UNC13C: variants seen among roughly 807,000 people sequenced by gnomAD.
The protein encoded by UNC13C is protein unc-13 homolog C.
UNC13C carries 174 observed loss-of-function variants against 245.4 expected under a neutral mutation model. The observed-to-expected ratio is 0.71, with a 90% CI of 0.63 to 0.80. The LOEUF is 0.80. Ranked by LOEUF, UNC13C falls within the 30% of genes least tolerant of loss-of-function variation. The pLI, the probability that UNC13C is intolerant of heterozygous loss-of-function variation, is 0.00. For missense variants in UNC13C, 2,829 were observed against 2,602.9 expected, an observed-to-expected ratio of 1.09 and a Z score of -1.89; for synonymous variants, 992 against 895.1, an observed-to-expected ratio of 1.11 and a Z score of -1.93.
the UNC13C span, among the ~76,000 whole-genome samples, chr15:53,898,118 C>T: frequency 6.6e-6 from 1 of 152,158 alleles, no homozygotes; most frequent in Non-Finnish European, 1.5e-5. Flanking sequence ...AGATCTTCTA[C>T]ATTACTTCCT....
chr15:54,541,260 T>C (rs1418581744), intron 26 of UNC13C, among the ~76,000 whole-genome samples: 2 of 152,128 alleles, frequency 1.3e-5, no homozygotes, highest in African/African-American at 2.4e-5. Flanking sequence ...CCTTTCAATG[T>C]TATCCACTGT....
At chr15:54,477,298 AT>A (rs1309013428) in intron 19 of UNC13C, among the ~76,000 whole-genome samples, 1 of 99,494 alleles carries the variant, frequency 1.0e-5, no homozygotes, top group Non-Finnish European at 2.1e-5. Flanking sequence ...AATACCCTTT[AT>A]TTCCTTCTCC....
chr15:54,164,426 C>T (rs996476022), intron 4 of UNC13C, among the ~76,000 whole-genome samples: 1 of 152,102 alleles, frequency 6.6e-6, no homozygotes, highest in Non-Finnish European at 1.5e-5. Context: ...AAGTTAAAAA[C>T]ACTGTCTTCA....
chr15:54,273,434 T>C (rs1452472134), intron 10 of UNC13C, among the ~76,000 whole-genome samples: 1 of 152,188 alleles, frequency 6.6e-6, no homozygotes, highest in Non-Finnish European at 1.5e-5. Flanking sequence ...GATTTTCTTG[T>C]TTTTCACTTC....
chr15:54,130,803 G>A (rs2031371607), intron 2 of UNC13C, among the ~76,000 whole-genome samples: 1 of 152,046 alleles, frequency 6.6e-6, no homozygotes, highest in African/African-American at 2.4e-5. Context: ...TATATTTTAT[G>A]AGTGTTTTTA....
chr15:54,490,587 C>T (rs1330384721), intron 19 of UNC13C, among the ~76,000 whole-genome samples: 1 of 151,850 alleles, frequency 6.6e-6, no homozygotes, highest in Non-Finnish European at 1.5e-5. Context: ...CAGAATGCGG[C>T]CTACTGCTGG....
At chr15:54,464,747 G>T (rs933301366) in intron 19 of UNC13C, among the ~76,000 whole-genome samples, 5 of 152,080 alleles carry the variant, frequency 3.3e-5, no homozygotes, top group African/African-American at 1.2e-4. Flanking sequence ...AGTAGAAAAT[G>T]AGTGTAAATT....
At position 54,592,870 on chromosome 15, in the gene UNC13C, T is replaced by G. The variant is rs566031691; in HGVS notation, c.6106+24923T>G. ...CTGTGTACTTTGTTTTTTGTTTTTTTTTTTTTTTTACTTGTATTTTTGTTG... is the reference window on the plus strand; with the variant it reads ...CTGTGTACTTTGTTTTTTGTTTTTTGTTTTTTTTTACTTGTATTTTTGTTG... On this transcript the variant is annotated intron_variant, in intron 30 of 32. Coordinates refer to ENST00000260323, the MANE Select transcript of UNC13C (RefSeq NM_001080534.3). 6.6e-4 allele frequency among the ~76,000 whole-genome samples: 101 copies of G among 151,968 alleles called. 1 individual carries two copies. Among genetic ancestry groups the G allele is most frequent in the East Asian group, 4.3e-3 (22 of 5,174 alleles).
chr15:54,102,641 C>G (rs1900223691), intron 2 of UNC13C, among the ~76,000 whole-genome samples: 1 of 152,200 alleles, frequency 6.6e-6, no homozygotes, highest in African/African-American at 2.4e-5. Flanking sequence ...TCTACTTTCT[C>G]AATGTGGAGC....
intron 4 of UNC13C, among the ~76,000 whole-genome samples, chr15:54,233,727 G>A (rs1257230698): frequency 6.6e-6 from 1 of 152,128 alleles, no homozygotes; most frequent in Non-Finnish European, 1.5e-5. Flanking sequence ...AGAACATAGA[G>A]GCCATCTCTC....
At chr15:53,879,653 A>G in the UNC13C span, among the ~76,000 whole-genome samples, 1 of 151,946 alleles carries the variant, frequency 6.6e-6, no homozygotes, top group African/African-American at 2.4e-5. Context: ...CGGTGGCACT[A>G]TCTCAGCTCA....
chr15:54,112,128 A>G (rs959144173), intron 2 of UNC13C, among the ~76,000 whole-genome samples: 1 of 152,230 alleles, frequency 6.6e-6, no homozygotes, highest in Non-Finnish European at 1.5e-5. Context: ...GAAGAAAGTT[A>G]CTATCCCCAA....
At chr15:54,350,120 T>G (rs2038948831) in intron 17 of UNC13C, among the ~76,000 whole-genome samples, 1 of 152,024 alleles carries the variant, frequency 6.6e-6, no homozygotes, top group Non-Finnish European at 1.5e-5. Context: ...GCCTCCCAAG[T>G]AACTGGGACT....
At chr15:54,388,763 A>C (rs748969493) in intron 17 of UNC13C, among the ~76,000 whole-genome samples, 1 of 151,962 alleles carries the variant, frequency 6.6e-6, no homozygotes, top group Admixed American at 6.6e-5. Flanking sequence ...GTGGTCACAT[A>C]TTTATCTCTC....
chr15:54,512,248 T>C (rs1345022852), intron 24 of UNC13C: 9 of 434,256 alleles, frequency 2.1e-5, no homozygotes, highest in South Asian at 1.3e-4. Context: ...TGGAGTTTAT[T>C]TTTCACATTG....
the UNC13C span, among the ~76,000 whole-genome samples, chr15:53,873,987 TTCTG>T: frequency 1.3e-5 from 2 of 149,570 alleles, no homozygotes; most frequent in Non-Finnish European, 3.0e-5. Context: ...TTTCTTGTCT[TTCTG>T]TCTGTCTCAG....
intron 13 of UNC13C, among the ~76,000 whole-genome samples, chr15:54,301,644 T>A (rs1187491656): frequency 6.6e-6 from 1 of 152,218 alleles, no homozygotes; most frequent in Non-Finnish European, 1.5e-5. Context: ...CTGCATAGTA[T>A]TCCATGGTGC....
chr15:54,337,961 G>A (rs986936985), intron 16 of UNC13C, among the ~76,000 whole-genome samples: 1 of 152,016 alleles, frequency 6.6e-6, no homozygotes, highest in African/African-American at 2.4e-5. Flanking sequence ...GCATCATCAT[G>A]TAATATATTT....
chr15:54,439,485 A>G (rs1281659357), intron 19 of UNC13C, among the ~76,000 whole-genome samples: 1 of 152,006 alleles, frequency 6.6e-6, no homozygotes, highest in Non-Finnish European at 1.5e-5. Flanking sequence ...CAATTATAAT[A>G]GAAATAAATT....
Sources: allele counts gnomAD v4.1 joint callset (sites outside exome capture counted in the v4.1 genomes callset), GRCh38; gene constraint gnomAD v4.1.1; transcripts MANE v1.5; gene names NCBI Gene and HGNC (gene_info 2026-07-23, HGNC 2026-07-21).